HEATR4: variants seen among roughly 807,000 people sequenced by gnomAD.
The protein encoded by HEATR4 is HEAT repeat containing 4.
HEATR4 carries 95 observed loss-of-function variants against 108.8 expected under a neutral mutation model. The ratio of observed to expected loss-of-function variants is 0.87; its 90% CI spans 0.74 to 1.04. The LOEUF (loss-of-function observed/expected upper bound fraction) is 1.04, where lower values mean the gene tolerates loss of function less well. Ranked by LOEUF, HEATR4 falls within the 50% of genes least tolerant of loss-of-function variation. The probability of loss-of-function intolerance (pLI) is 0.00; values close to 1 mark genes in which losing one functional copy is unlikely to be tolerated. For synonymous variants in HEATR4, 443 were observed against 459.4 expected (o/e 0.96, Z 0.46); for missense variants, 1,152 against 1,253.8 (o/e 0.92, Z 1.23).
chr14:73,616,245 G>A, the HEATR4 span, among the ~76,000 whole-genome samples: 1 of 152,044 alleles, frequency 6.6e-6, no homozygotes, highest in South Asian at 2.1e-4. Context: ...TGGGATTATA[G>A]GCATGAACCA....
chr14:73,497,039 G>T (rs1467428263), intron 14 of HEATR4, among the ~76,000 whole-genome samples: 1 of 152,194 alleles, frequency 6.6e-6, no homozygotes, highest in Non-Finnish European at 1.5e-5. Flanking sequence ...GGGACTACAG[G>T]CGCGTGCCAT....
At chr14:73,517,674 AAAAAAAAG>A (rs906040571) in intron 5 of HEATR4, among the ~76,000 whole-genome samples, 5 of 150,174 alleles carry the variant, frequency 3.3e-5, no homozygotes, top group African/African-American at 1.2e-4. Context: ...TCAAAAAAAA[AAAAAAAAG>A]AAGAAGAAAA....
intron 1 of HEATR4, among the ~76,000 whole-genome samples, chr14:73,542,774 G>A (rs1416127582): frequency 8.9e-6 from 1 of 111,910 alleles, no homozygotes; most frequent in Non-Finnish European, 1.9e-5. Context: ...GCTCAGGTGG[G>A]AGACAGAAAA....
chr14:73,483,875 C>T (rs1195286632), intron 17 of HEATR4, among the ~76,000 whole-genome samples: 8 of 150,224 alleles, frequency 5.3e-5, no homozygotes, highest in African/African-American at 7.3e-5. Context: ...TTTTTTGAGA[C>T]GGAGTCTCAT....
intron 4 of HEATR4, chr14:73,520,452 G>T (rs1179763095): frequency 6.2e-6 from 1 of 161,732 alleles, no homozygotes; most frequent in African/African-American, 2.4e-5. Context: ...AAACCCAAAT[G>T]TGCCTGACTC....
In HEATR4 at chr14:73,509,811, C is replaced by CATATATATAT. The variant is rs1566832128; in HGVS notation, c.1559-348_1559-339dup. 4.1e-4 allele frequency among the ~76,000 whole-genome samples: 8 copies of CATATATATAT among 19,494 alleles called. 2 individuals are homozygous for CATATATATAT. Among genetic ancestry groups the CATATATATAT allele is most frequent in the Non-Finnish European group, 5.4e-4 (6 of 11,122 alleles). The allele number at this position is 19,494 out of a possible 152,430, so 12.8% of individuals were successfully genotyped here. On this transcript the variant is annotated intron_variant, in intron 7 of 17. Transcript: ENST00000553558. Reference sequence around the variant, plus strand: ...AAGCAACCAATTTGCCCCATGAGCCCATATATATATATATATATATATATA... The same window carrying CATATATATAT: ...AAGCAACCAATTTGCCCCATGAGCCCATATATATATATATATATATATATATATATATATA...
upstream of HEATR4, among the ~76,000 whole-genome samples, chr14:73,560,033 CT>C (rs1889491885): frequency 6.6e-6 from 1 of 152,106 alleles, no homozygotes. Flanking sequence ...TTAACACTAG[CT>C]TTTACAAGGA....
Position 73,523,158 on chromosome 14 carries a change from G to C in HEATR4, c.-6C>G, listed in dbSNP as rs748113844. 17 of 1,569,680 alleles carry C rather than the reference G, an allele frequency of 1.1e-5. No homozygotes were observed. The Admixed American group carries it at 1.1e-4, about 10-fold the overall frequency. Reference sequence around the variant, plus strand: ...CCCTTCTGGGTCCTGGTCATACCGCGTCCCAGCAAATGCTTCCTTCCACAC... The same window carrying C: ...CCCTTCTGGGTCCTGGTCATACCGCCTCCCAGCAAATGCTTCCTTCCACAC... On this transcript the variant is annotated 5_prime_UTR_variant, in exon 3 of 18. Coordinates refer to ENST00000553558, the MANE Select transcript of HEATR4 (RefSeq NM_001220484.1).
chr14:73,563,064 C>T (rs990247983), upstream of HEATR4, among the ~76,000 whole-genome samples: 19 of 152,014 alleles, frequency 1.2e-4, no homozygotes, highest in Admixed American at 2.0e-4. Flanking sequence ...TTCTTACCCC[C>T]GCTCCCCTTT....
At chr14:73,545,547 A>T (rs1479587775) in intron 1 of HEATR4, among the ~76,000 whole-genome samples, 2 of 73,232 alleles carry the variant, frequency 2.7e-5, no homozygotes, top group African/African-American at 8.5e-5. Flanking sequence ...CCCCATTTAG[A>T]GTACACATGA....
rs775190504 is a variant in HEATR4, at chr14:73,514,126, A to G, written c.1319T>C (p.Leu440Ser). The G allele has an allele frequency of 1.9e-6, 3 of 1,614,152 alleles. No individual in the cohort carries two copies. Among genetic ancestry groups the G allele is most frequent in the Admixed American group, 1.7e-5 (1 of 60,012 alleles). ...EKDVPIKTRR[L>S]KKQAKSLQED... The stretch of plus-strand genomic sequence containing the variant: ...CTGCAGTGATTTTGCCTGCTTCTTC[A>G]ATCTCCTGGTCTTAATAGGCACATC... Residue 440 changes from leucine (L) to serine (S), a missense_variant, in exon 6 of 18, where the codon TTG (leucine) becomes TCG (serine). Leu to Ser is a moderately radical substitution (Grantham distance 145). Transcript: ENST00000553558.
chr14:73,496,540 G>A, intron 15 of HEATR4, 61 bp downstream of exon 15: 1 of 1,000,058 alleles, frequency 1.0e-6, no homozygotes, highest in Non-Finnish European at 1.6e-6. Flanking sequence ...GGAGGACAGG[G>A]TCTGAGGAAC....
At chr14:73,572,175 C>A in the HEATR4 span, among the ~76,000 whole-genome samples, 8 of 20,376 alleles carry the variant, frequency 3.9e-4, no homozygotes, top group Admixed American at 6.8e-4. Flanking sequence ...TTATAAGAGG[C>A]CAGATGAGCA....
At chr14:73,509,543 C>A in intron 7 of HEATR4, 70 bp from the exon 8 acceptor site, 1 of 1,554,562 alleles carries the variant, frequency 6.4e-7, no homozygotes, top group Non-Finnish European at 8.8e-7. Flanking sequence ...TTCCTTCCTA[C>A]AGCCATGTGG....
intron 10 of HEATR4, among the ~76,000 whole-genome samples, chr14:73,504,664 T>C (rs1349112476): frequency 2.0e-5 from 3 of 152,208 alleles, no homozygotes; most frequent in Non-Finnish European, 2.9e-5. Context: ...TTCAGGTGAT[T>C]ACTGTACTGA....
chr14:73,555,413 G>A lies in HEATR4; in HGVS notation c.-152+3338C>T, dbSNP rs1301828390. On this transcript the variant is annotated intron_variant, in intron 1 of 17. Coordinates refer to ENST00000553558, the MANE Select transcript of HEATR4 (RefSeq NM_001220484.1). ...TAGAATATTATATTCAGCAAAAACA[G>A]CCTTCAAACATGAAAGAGAAATAAG... is the stretch of plus-strand genomic sequence containing the variant. Among the ~76,000 whole-genome samples the A allele has an allele frequency of 3.7e-5, 4 of 108,852 alleles. 2 individuals are homozygous for A. Among genetic ancestry groups the A allele is most frequent in the Non-Finnish European group, 7.9e-5 (4 of 50,430 alleles). The allele number at this position is 108,852 out of a possible 152,430, so 71.4% of individuals were successfully genotyped here. A position where few individuals can be genotyped will look rare whatever the true frequency, so the allele number is the denominator to read the frequency against.
chr14:73,619,820 T>C, the HEATR4 span: 1 of 1,603,764 alleles, frequency 6.2e-7, no homozygotes, highest in South Asian at 1.1e-5. Context: ...AAAAAATCTG[T>C]CAAGCACAGC....
chr14:73,491,502 G>C (rs1223292026), intron 17 of HEATR4: 2 of 1,513,168 alleles, frequency 1.3e-6, no homozygotes, highest in Non-Finnish European at 1.8e-6. Context: ...CAGTCGTCCG[G>C]GGCCCCTGCG....
intron 1 of HEATR4, among the ~76,000 whole-genome samples, chr14:73,544,666 G>A (rs1177593128): frequency 8.7e-6 from 1 of 115,450 alleles, no homozygotes; most frequent in Non-Finnish European, 1.9e-5. Flanking sequence ...GCTTGGCATG[G>A]TGGCTCACAC....
Sources: gnomAD v4.1 joint callset for allele counts (sites outside exome capture counted in the v4.1 genomes callset) on GRCh38, gnomAD v4.1.1 for gene constraint, MANE v1.5 for transcripts, NCBI Gene and HGNC (gene_info 2026-07-23, HGNC 2026-07-21) for gene names.